PRLR: variants seen among roughly 807,000 people sequenced by gnomAD.
PRLR encodes prolactin receptor.
PRLR carries 13 observed loss-of-function variants against 40.2 expected under a neutral mutation model. The observed-to-expected ratio is 0.32, with a 90% CI of 0.21 to 0.51. The LOEUF (loss-of-function observed/expected upper bound fraction) is 0.51. PRLR is among the 20% of genes least tolerant of loss of function. The pLI is 0.97. For missense variants in PRLR, 656 were observed against 747.3 expected (o/e 0.88, Z 1.42); for synonymous variants, 269 against 278.7 (o/e 0.97, Z 0.35).
chr5:35,226,420 T>C (rs1302322380), intron 1 of PRLR, among the ~76,000 whole-genome samples: 3 of 152,190 alleles, frequency 2.0e-5, no homozygotes, highest in African/African-American at 7.2e-5. Flanking sequence ...CAAAAATAGC[T>C]AACTCACCAG....
chr5:35,094,625 G>A (rs1258616718), intron 2 of PRLR, among the ~76,000 whole-genome samples: 1 of 152,098 alleles, frequency 6.6e-6, no homozygotes, highest in Admixed American at 6.5e-5. Context: ...AAGGCAAAAA[G>A]TCTCATTTCT....
At chr5:35,077,438 A>C (rs1042754751) in intron 5 of PRLR, among the ~76,000 whole-genome samples, 4 of 152,242 alleles carry the variant, frequency 2.6e-5, no homozygotes, top group Non-Finnish European at 2.9e-5. Flanking sequence ...AAACCAACAA[A>C]GATCAAAAGA....
chr5:35,065,098 G>A lies in PRLR; in HGVS notation c.1860C>T (p.Ser620=). ...TCCATTAGTCAAGCTATCAGTGAAA[G>A]GAGTGTGTAAAACATGCGGGATCCA... ...DYLDPACFTH[S]FH is the part of the protein sequence containing the mutation. Residue 620 remains serine, a synonymous_variant, in exon 10 of 10, where the codon TCC becomes TCT. Transcript: ENST00000618457. The A allele has an allele frequency of 6.2e-7, 1 of 1,610,396 alleles. No individual in the cohort carries two copies. Among genetic ancestry groups the A allele is most frequent in the Non-Finnish European group, 8.5e-7 (1 of 1,177,298 alleles).
chr5:35,083,604 C>T (rs1382868107), intron 5 of PRLR, among the ~76,000 whole-genome samples: 1 of 151,368 alleles, frequency 6.6e-6, no homozygotes, highest in Non-Finnish European at 1.5e-5. Context: ...ACTGCAACCT[C>T]CACCTCCTGG....
intron 1 of PRLR, among the ~76,000 whole-genome samples, chr5:35,225,828 C>A (rs1161904963): frequency 1.3e-5 from 2 of 152,108 alleles, no homozygotes; most frequent in Non-Finnish European, 2.9e-5. Flanking sequence ...ATTACAGGCA[C>A]CCACCACCAT....
chr5:35,181,095 C>T (rs986189998), intron 1 of PRLR, among the ~76,000 whole-genome samples: 2 of 150,562 alleles, frequency 1.3e-5, no homozygotes, highest in African/African-American at 4.8e-5. Flanking sequence ...CTAAAATGGC[C>T]AATTCTCAAG....
intron 1 of PRLR, among the ~76,000 whole-genome samples, chr5:35,199,768 A>G (rs976924308): frequency 2.6e-5 from 4 of 152,234 alleles, no homozygotes; most frequent in African/African-American, 9.6e-5. Flanking sequence ...TTCAATTTCC[A>G]TAACATTTTG....
downstream of PRLR, among the ~76,000 whole-genome samples, chr5:35,051,158 C>T (rs1768485483): frequency 6.6e-6 from 1 of 152,210 alleles, no homozygotes; most frequent in Non-Finnish European, 1.5e-5. Flanking sequence ...CTGGAGAAAG[C>T]TAGGGACACA....
At chr5:35,164,516 C>T (rs1204011690) in intron 1 of PRLR, among the ~76,000 whole-genome samples, 2 of 152,014 alleles carry the variant, frequency 1.3e-5, no homozygotes, top group African/African-American at 4.8e-5. Flanking sequence ...GAAAGCACTT[C>T]GATTGCTTGA....
chr5:35,088,821 A>G (rs1463493116), intron 3 of PRLR, among the ~76,000 whole-genome samples: 2 of 152,358 alleles, frequency 1.3e-5, no homozygotes, highest in South Asian at 2.1e-4. Flanking sequence ...ACATACTTGT[A>G]TGCACACAGG....
At chr5:35,085,262 T>A (rs1416091262) in intron 4 of PRLR, among the ~76,000 whole-genome samples, 2 of 152,154 alleles carry the variant, frequency 1.3e-5, no homozygotes, top group Non-Finnish European at 2.9e-5. Context: ...TGGAGGCTTG[T>A]TCAATTCTGG....
At chr5:35,112,057 G>A (rs1242270267) in intron 2 of PRLR, among the ~76,000 whole-genome samples, 1 of 152,204 alleles carries the variant, frequency 6.6e-6, no homozygotes, top group Admixed American at 6.5e-5. Context: ...TTGTATGTTT[G>A]TGGCAAAATT....
At chr5:35,185,760 C>T (rs1216179401) in intron 1 of PRLR, among the ~76,000 whole-genome samples, 1 of 152,196 alleles carries the variant, frequency 6.6e-6, no homozygotes, top group Non-Finnish European at 1.5e-5. Flanking sequence ...GCAGGTTTCA[C>T]CAGCCTTGAC....
chr5:35,093,798 C>T (rs1426347416), intron 2 of PRLR, among the ~76,000 whole-genome samples: 1 of 152,182 alleles, frequency 6.6e-6, no homozygotes, highest in Non-Finnish European at 1.5e-5. Context: ...GATTATAATG[C>T]TGTATGTTTA....
chr5:35,197,461 T>C (rs755754720), intron 1 of PRLR, among the ~76,000 whole-genome samples: 12 of 152,184 alleles, frequency 7.9e-5, no homozygotes, highest in Non-Finnish European at 1.2e-4. Flanking sequence ...GATCTGGGAG[T>C]GACCCCCGAT....
At chr5:35,069,388 G>C (rs1416183778) in intron 7 of PRLR, among the ~76,000 whole-genome samples, 1 of 152,212 alleles carries the variant, frequency 6.6e-6, no homozygotes, top group African/African-American at 2.4e-5. Context: ...GAGTGGACTA[G>C]ATGCCTGCCT....
chr5:35,049,371 A>G (rs1358044389), exon 9 of PRLR: 5 of 702,892 alleles, frequency 7.1e-6, no homozygotes, highest in Non-Finnish European at 1.0e-5. Flanking sequence ...AAGATTTGAG[A>G]TTTTTGTAAT....
At chr5:35,140,673 A>G (rs1234587153) in intron 1 of PRLR, among the ~76,000 whole-genome samples, 2 of 152,232 alleles carry the variant, frequency 1.3e-5, no homozygotes, top group African/African-American at 2.4e-5. Flanking sequence ...TGACAACTGT[A>G]TACAGTAACT....
chr5:35,145,971 G>T (rs1160983284), intron 1 of PRLR, among the ~76,000 whole-genome samples: 6 of 152,190 alleles, frequency 3.9e-5, no homozygotes, highest in Admixed American at 3.9e-4. Flanking sequence ...GCTTTAAGCA[G>T]GACTGTTCCC....
Sources: allele counts gnomAD v4.1 joint callset (sites outside exome capture counted in the v4.1 genomes callset), GRCh38; gene constraint gnomAD v4.1.1; transcripts MANE v1.5; gene names NCBI Gene and HGNC (gene_info 2026-07-23, HGNC 2026-07-21).